The following ANTXR1 variants were observed in gnomAD, a reference collection of about 807,000 sequenced individuals.
ANTXR1 encodes the protein anthrax toxin receptor 1.
ANTXR1 carries 19 observed loss-of-function variants against 78.1 expected under a neutral mutation model. That is an observed-to-expected ratio of 0.24 (90% confidence interval 0.17 to 0.36). The LOEUF is 0.36. ANTXR1 is among the 10% of genes least tolerant of loss of function. The pLI is 1.00. For missense variants in ANTXR1, 518 were observed against 718.6 expected (o/e 0.72, Z 3.19); for synonymous variants, 273 against 260.5 (o/e 1.05, Z -0.46).
chr2:69,180,026 T>C (rs1289493851), intron 14 of ANTXR1, among the ~76,000 whole-genome samples: 1 of 152,222 alleles, frequency 6.6e-6, no homozygotes, highest in Non-Finnish European at 1.5e-5. Flanking sequence ...CGTCCTAGTC[T>C]GCTGTGACCT....
intron 1 of ANTXR1, among the ~76,000 whole-genome samples, chr2:69,019,755 CCA>C (rs1671130765): frequency 6.6e-6 from 1 of 152,138 alleles, no homozygotes; most frequent in Non-Finnish European, 1.5e-5. Flanking sequence ...CCGACAGGCC[CCA>C]GTGTCTGTTG....
At chr2:69,016,326 G>A (rs932895855) in intron 1 of ANTXR1, among the ~76,000 whole-genome samples, 1 of 152,110 alleles carries the variant, frequency 6.6e-6, no homozygotes, top group African/African-American at 2.4e-5. Context: ...ATAATTTGGC[G>A]ACACATATAA....
chr2:69,243,379 A>G (rs1675936301), intron 17 of ANTXR1, among the ~76,000 whole-genome samples: 1 of 152,188 alleles, frequency 6.6e-6, no homozygotes, highest in Non-Finnish European at 1.5e-5. Context: ...TACAGATGAA[A>G]CAACTGTAGT....
At chr2:69,143,358 G>A (rs1673124977) in intron 12 of ANTXR1, among the ~76,000 whole-genome samples, 2 of 152,214 alleles carry the variant, frequency 1.3e-5, no homozygotes, top group South Asian at 4.1e-4. Flanking sequence ...AAAGGCACCT[G>A]AGGTTGACTT....
At chr2:69,242,811 T>C (rs1675924800) in intron 17 of ANTXR1, among the ~76,000 whole-genome samples, 1 of 152,234 alleles carries the variant, frequency 6.6e-6, no homozygotes, top group South Asian at 2.1e-4. Flanking sequence ...AGGAAAGCTT[T>C]ATCCAGAATC....
At chr2:69,092,052 C>T (rs1355783148) in intron 9 of ANTXR1, among the ~76,000 whole-genome samples, 3 of 152,170 alleles carry the variant, frequency 2.0e-5, no homozygotes, top group Non-Finnish European at 4.4e-5. Flanking sequence ...TGTGTGAGTT[C>T]CTGTCCCCCA....
At chr2:69,043,476 C>A (rs1362503735) in intron 2 of ANTXR1, among the ~76,000 whole-genome samples, 2 of 152,116 alleles carry the variant, frequency 1.3e-5, no homozygotes, top group African/African-American at 4.8e-5. Context: ...TGTCCTGCTG[C>A]CCCAGTGCTG....
chr2:69,148,925 A>G (rs1673311372), intron 12 of ANTXR1, among the ~76,000 whole-genome samples: 1 of 152,216 alleles, frequency 6.6e-6, no homozygotes, highest in Non-Finnish European at 1.5e-5. Context: ...GGTTCTGCTC[A>G]ATGGGGAAAT....
At chr2:69,243,149 G>A (rs1399635992) in intron 17 of ANTXR1, among the ~76,000 whole-genome samples, 2 of 152,182 alleles carry the variant, frequency 1.3e-5, no homozygotes, top group African/African-American at 2.4e-5. Flanking sequence ...TCACCAAGAT[G>A]CCCTCTGACT....
At chr2:69,243,961 C>T (rs905680452) in intron 17 of ANTXR1, among the ~76,000 whole-genome samples, 13 of 152,192 alleles carry the variant, frequency 8.5e-5, no homozygotes, top group Admixed American at 4.6e-4. Flanking sequence ...GGCCAGGAGC[C>T]CTCAGAGGGG....
chr2:69,061,229 C>T (rs909203210), intron 3 of ANTXR1, among the ~76,000 whole-genome samples: 1 of 152,124 alleles, frequency 6.6e-6, no homozygotes, highest in Non-Finnish European at 1.5e-5. Context: ...GAAAATTACC[C>T]CTTATTTACC....
intron 2 of ANTXR1, among the ~76,000 whole-genome samples, chr2:69,043,557 T>A (rs1243539831): frequency 6.6e-6 from 1 of 152,154 alleles, no homozygotes; most frequent in Admixed American, 6.5e-5. Flanking sequence ...CAATATTCAA[T>A]TCACCAGGTA....
At chr2:69,173,009 C>T (rs1674034647) in intron 14 of ANTXR1, among the ~76,000 whole-genome samples, 1 of 152,198 alleles carries the variant, frequency 6.6e-6, no homozygotes, top group African/African-American at 2.4e-5. Context: ...TTTTGTTCTG[C>T]ATGTAATCAC....
chr2:69,192,050 A>G (rs2104474323), intron 16 of ANTXR1, among the ~76,000 whole-genome samples: 1 of 152,384 alleles, frequency 6.6e-6, no homozygotes, highest in East Asian at 1.9e-4. Context: ...ATAGGCAGAC[A>G]GAAGTGAACA....
intron 17 of ANTXR1, among the ~76,000 whole-genome samples, chr2:69,220,347 C>G (rs534369748): frequency 6.6e-6 from 1 of 152,096 alleles, no homozygotes; most frequent in Non-Finnish European, 1.5e-5. Flanking sequence ...AAAATTAAAC[C>G]GTTGCAGTTG....
rs373302880 is a variant in ANTXR1 at position 69,096,526 on chromosome 2, G to A, written c.703+5607G>A. On this transcript the variant is annotated intron_variant, in intron 9 of 17. Transcript: ENST00000303714. ...AGGGAGGAAGGGAGAGAGGAAGGAAGGAATCCAATCACTGCACTGGTGAAC... is the reference window on the plus strand; with the variant it reads ...AGGGAGGAAGGGAGAGAGGAAGGAAAGAATCCAATCACTGCACTGGTGAAC... Among the ~76,000 whole-genome samples the A allele has an allele frequency of 2.6e-5, 4 of 151,840 alleles. No homozygotes were observed. In the East Asian group the frequency reaches 5.8e-4, roughly 22 times the overall value.
At chr2:69,179,398 T>C (rs1674217157) in intron 14 of ANTXR1, among the ~76,000 whole-genome samples, 1 of 151,670 alleles carries the variant, frequency 6.6e-6, no homozygotes, top group Non-Finnish European at 1.5e-5. Context: ...AATAGAAAAA[T>C]TAGCTGGGTG....
At position 69,187,704 on chromosome 2, in the gene ANTXR1, C is replaced by CA. The variant is rs1347686632; in HGVS notation, c.1353+5045dup. Among the ~76,000 whole-genome samples, 5 of 150,044 alleles carry CA rather than the reference C, an allele frequency of 3.3e-5. No homozygotes were observed. The East Asian group carries it at 1.0e-3, about 30-fold the overall frequency. The stretch of plus-strand genomic sequence containing the variant: ...CCAGGTTCAAGTGATTCTCCTGCCT[C>CA]AGCCTCCCGAGTAGCTGGGACTACA... On this transcript the variant is annotated intron_variant, in intron 16 of 17. Transcript: ENST00000303714.
chr2:69,123,186 T>C, intron 11 of ANTXR1, 100 bp downstream of exon 11: 1 of 1,254,370 alleles, frequency 8.0e-7, no homozygotes, highest in Non-Finnish European at 1.2e-6. Context: ...GTGGAGCCTT[T>C]CTCTAGGTTC....
Sources: gnomAD v4.1 joint callset for allele counts (sites outside exome capture counted in the v4.1 genomes callset) on GRCh38, gnomAD v4.1.1 for gene constraint, MANE v1.5 for transcripts, NCBI Gene and HGNC (gene_info 2026-07-23, HGNC 2026-07-21) for gene names.